PTPN12: variants seen among roughly 807,000 people sequenced by gnomAD.
PTPN12 encodes the protein tyrosine-protein phosphatase non-receptor type 12.
Under a neutral mutation model 97.6 loss-of-function variants are expected in PTPN12, and 29 were observed. That is an observed-to-expected ratio of 0.30 (90% confidence interval 0.22 to 0.41). PTPN12 has a LOEUF of 0.41. PTPN12 is among the 10% of genes least tolerant of loss of function. PTPN12 has a pLI of 1.00. For synonymous variants in PTPN12, 327 were observed against 300.4 expected, an observed-to-expected ratio of 1.09 and a Z score of -0.91; for missense variants, 819 against 926.0, an observed-to-expected ratio of 0.88 and a Z score of 1.50.
At chr7:77,600,856 T>G (rs1309526371) in intron 8 of PTPN12, 50 bp downstream of exon 8, 6 of 1,436,110 alleles carry the variant, frequency 4.2e-6, no homozygotes, top group Non-Finnish European at 5.7e-6. Context: ...AGTTTGATGT[T>G]ACACAAGGTT....
At chr7:77,601,513 CTTTT>C (rs1385445096) in intron 8 of PTPN12, among the ~76,000 whole-genome samples, 1 of 152,038 alleles carries the variant, frequency 6.6e-6, no homozygotes, top group East Asian at 1.9e-4. Flanking sequence ...ACATGACTTT[CTTTT>C]TTTAATATAT....
chr7:77,585,694 G>T (rs771131635), intron 5 of PTPN12, 113 bp downstream of exon 5: 40 of 839,058 alleles, frequency 4.8e-5, no homozygotes, highest in Non-Finnish European at 7.0e-5. Context: ...TTTATTTTGG[G>T]GTACTGCTGT....
At chr7:77,566,743 G>C (rs1027800936) in intron 1 of PTPN12, among the ~76,000 whole-genome samples, 33 of 152,042 alleles carry the variant, frequency 2.2e-4, no homozygotes, top group Non-Finnish European at 3.8e-4. Flanking sequence ...CTTTAGGGTA[G>C]ACTTAATTGC....
chr7:77,597,725 C>G, intron 6 of PTPN12, 117 bp from the exon 7 acceptor site: 1 of 1,265,368 alleles, frequency 7.9e-7, no homozygotes, highest in African/African-American at 1.5e-5. Flanking sequence ...TCAGGTACAT[C>G]TGGAATTTTA....
chr7:77,578,397 G>A (rs971254850), intron 2 of PTPN12, among the ~76,000 whole-genome samples: 1 of 152,096 alleles, frequency 6.6e-6, no homozygotes, highest in Non-Finnish European at 1.5e-5. Flanking sequence ...GTAGGGTGGC[G>A]TGAAATAAAT....
At chr7:77,569,977 C>T (rs1808406718) in intron 1 of PTPN12, among the ~76,000 whole-genome samples, 2 of 152,092 alleles carry the variant, frequency 1.3e-5, no homozygotes, top group Non-Finnish European at 2.9e-5. Context: ...TGCTCGGCCC[C>T]CACTTGCTTT....
intron 1 of PTPN12, among the ~76,000 whole-genome samples, chr7:77,558,729 A>G (rs1223851024): frequency 6.6e-6 from 1 of 152,202 alleles, no homozygotes; most frequent in Non-Finnish European, 1.5e-5. Flanking sequence ...TGTACAAACA[A>G]TGTGGTTTAT....
intron 2 of PTPN12, among the ~76,000 whole-genome samples, chr7:77,580,688 A>AT (rs963547023): frequency 6.6e-5 from 10 of 152,080 alleles, no homozygotes; most frequent in Non-Finnish European, 1.0e-4. Context: ...TTTTTTAAAG[A>AT]TTTTTTTACT....
rs376188206 is a variant in PTPN12 at position 77,627,284 on chromosome 7, G to A, written c.1605G>A (p.Thr535=). The A allele has an allele frequency of 1.4e-5, 23 of 1,613,972 alleles. No homozygotes were observed. The highest frequency in any genetic ancestry group is 4.0e-5 in the African/African-American group (3 of 74,898). The change falls in exon 13 of 18, where the codon ACG becomes ACA. Residue 535 remains threonine, a synonymous_variant. Coordinates refer to ENST00000248594, the MANE Select transcript of PTPN12 (RefSeq NM_002835.4). ...CTCTTGATGAGAAAGGACATGTAAC[G>A]TGGTCATTTCATGGACCTGAAAATG... ...RLPLDEKGHV[T]WSFHGPENAI...
intron 8 of PTPN12, among the ~76,000 whole-genome samples, chr7:77,605,829 A>G (rs1218735021): frequency 1.3e-5 from 2 of 151,868 alleles, no homozygotes; most frequent in African/African-American, 4.8e-5. Context: ...TTTTGTGGAA[A>G]TCACTGCTGT....
At chr7:77,612,312 A>T (rs1788597574) in intron 11 of PTPN12, among the ~76,000 whole-genome samples, 1 of 152,186 alleles carries the variant, frequency 6.6e-6, no homozygotes, top group Non-Finnish European at 1.5e-5. Flanking sequence ...TTATTCCTTT[A>T]TTAACATAGG....
At chr7:77,637,288 GGAAA>G (rs1789628537) in intron 16 of PTPN12, among the ~76,000 whole-genome samples, 1 of 151,970 alleles carries the variant, frequency 6.6e-6, no homozygotes, top group Non-Finnish European at 1.5e-5. Flanking sequence ...CAGGCTAATG[GGAAA>G]GAGATTTTTT....
intron 7 of PTPN12, among the ~76,000 whole-genome samples, chr7:77,599,729 A>C (rs947540686): frequency 1.4e-4 from 21 of 152,346 alleles, no homozygotes; most frequent in African/African-American, 4.6e-4. Flanking sequence ...ATGAAGATAC[A>C]GAAGCTTTAA....
intron 12 of PTPN12, among the ~76,000 whole-genome samples, chr7:77,624,672 C>T (rs948778473): frequency 6.6e-6 from 1 of 151,056 alleles, no homozygotes; most frequent in Non-Finnish European, 1.5e-5. Context: ...AACTCCTGAT[C>T]TTGTGATCCG....
intron 1 of PTPN12, among the ~76,000 whole-genome samples, chr7:77,567,196 A>T (rs1240865659): frequency 2.9e-5 from 2 of 69,986 alleles, no homozygotes; most frequent in African/African-American, 7.5e-5. Flanking sequence ...TTGATGTGTT[A>T]AAAAAAAAAA....
intron 1 of PTPN12, among the ~76,000 whole-genome samples, chr7:77,543,765 A>G (rs1270171775): frequency 6.6e-6 from 1 of 152,204 alleles, no homozygotes; most frequent in East Asian, 1.9e-4. Context: ...GGAATCATAC[A>G]ATATGTGGTG....
At chr7:77,635,968 T>A in intron 15 of PTPN12, 119 bp downstream of exon 15, 2 of 625,572 alleles carry the variant, frequency 3.2e-6, no homozygotes, top group East Asian at 3.3e-5. Context: ...TTGTAATTTT[T>A]GATCGGCATT....
At chr7:77,587,456 C>CT (rs2151338554) in intron 5 of PTPN12, among the ~76,000 whole-genome samples, 1 of 152,016 alleles carries the variant, frequency 6.6e-6, no homozygotes, top group Admixed American at 6.5e-5. Context: ...TAGGGATGGG[C>CT]TGGGGGTGGG....
intron 1 of PTPN12, among the ~76,000 whole-genome samples, chr7:77,568,387 C>A (rs1808342596): frequency 6.6e-6 from 1 of 152,172 alleles, no homozygotes; most frequent in African/African-American, 2.4e-5. Flanking sequence ...TATTCCCCAG[C>A]ACTTTGGAAT....
Sources: allele counts gnomAD v4.1 joint callset (sites outside exome capture counted in the v4.1 genomes callset), GRCh38; gene constraint gnomAD v4.1.1; transcripts MANE v1.5; gene names NCBI Gene and HGNC (gene_info 2026-07-23, HGNC 2026-07-21).